Variants in SCRN3 observed in about 807,000 individuals in gnomAD.
The protein encoded by SCRN3 is secernin-3.
SCRN3 carries 39 observed loss-of-function variants against 43.1 expected under a neutral mutation model. The observed-to-expected ratio is 0.91, with a 90% confidence interval of 0.70 to 1.18. The LOEUF is 1.18. Among genes scored for constraint, SCRN3 ranks in the 50% most tolerant of loss-of-function variants. SCRN3 has a pLI of 0.00. For synonymous variants in SCRN3, 147 were observed against 163.1 expected (o/e 0.90, Z 0.75); for missense variants, 484 against 498.0 (o/e 0.97, Z 0.27).
At position 174,401,038 on chromosome 2, in the gene SCRN3, T is replaced by C; in HGVS notation, c.390T>C (p.Ile130=). Residue 130 remains isoleucine (I), a synonymous_variant, in exon 4 of 8, where the codon ATT becomes ATC. Transcript: ENST00000272732. The stretch of plus-strand genomic sequence containing the variant: ...CAGCTGAAAAAGCCCTCAATGTCAT[T>C]GTTGACTTACTAGAAAAATATGGCC... ...ADTAEKALNV[I]VDLLEKYGQG... The C allele has an allele frequency of 6.2e-7, 1 of 1,613,796 alleles. No homozygotes were observed. The highest frequency in any genetic ancestry group is 8.5e-7 in the Non-Finnish European group (1 of 1,179,844).
chr2:174,415,962 A>C (rs1686091005), intron 5 of SCRN3, among the ~76,000 whole-genome samples: 1 of 152,142 alleles, frequency 6.6e-6, no homozygotes, highest in South Asian at 2.1e-4. Context: ...GGTTCTATAA[A>C]GCGGTCAGAA....
intron 5 of SCRN3, among the ~76,000 whole-genome samples, chr2:174,411,067 C>T (rs1391581143): frequency 2.0e-5 from 3 of 152,136 alleles, no homozygotes; most frequent in Admixed American, 6.5e-5. Flanking sequence ...AATGCTACTC[C>T]ACTCCCTACC....
intron 5 of SCRN3, among the ~76,000 whole-genome samples, chr2:174,421,005 G>A (rs1360526911): frequency 6.6e-6 from 1 of 152,054 alleles, no homozygotes; most frequent in Non-Finnish European, 1.5e-5. Context: ...ATAAGAGGAA[G>A]CCACACCTAG....
chr2:174,425,085 T>C (rs991622823), intron 7 of SCRN3, among the ~76,000 whole-genome samples: 2 of 152,172 alleles, frequency 1.3e-5, no homozygotes, highest in Non-Finnish European at 2.9e-5. Flanking sequence ...CTTAACGTAA[T>C]GTTCTTGATG....
chr2:174,404,004 T>A, intron 4 of SCRN3, 99 bp from the exon 5 acceptor site: 1 of 872,040 alleles, frequency 1.1e-6, no homozygotes, highest in Non-Finnish European at 1.8e-6. Context: ...AAGTCTATAT[T>A]TATGTTTACA....
At chr2:174,423,888 G>A (rs1036465067) in intron 6 of SCRN3, among the ~76,000 whole-genome samples, 1 of 149,342 alleles carries the variant, frequency 6.7e-6, no homozygotes. Flanking sequence ...TCCTGGGCTC[G>A]AGTGATCCTC....
chr2:174,402,459 A>G (rs1392905826), intron 4 of SCRN3, among the ~76,000 whole-genome samples: 1 of 152,220 alleles, frequency 6.6e-6, no homozygotes, highest in African/African-American at 2.4e-5. Context: ...AGGCTGAGGC[A>G]GGAGGATCAC....
intron 5 of SCRN3, among the ~76,000 whole-genome samples, chr2:174,416,453 G>A (rs2105607587): frequency 6.6e-6 from 1 of 152,304 alleles, no homozygotes; most frequent in South Asian, 2.1e-4. Context: ...AGGGTAAAGA[G>A]TGTAGTTTTC....
In SCRN3 at chr2:174,429,514, TAC is replaced by T. The variant is rs935856558; in HGVS notation, c.*1621_*1622del. Reference sequence around the variant, plus strand: ...GTTCACAGCAAAATTGAACAGAAAGTACAGAGTTCCAATACAGCCCCTATCAG... The same window carrying T: ...GTTCACAGCAAAATTGAACAGAAAGTAGAGTTCCAATACAGCCCCTATCAG... On this transcript the variant is annotated 3_prime_UTR_variant, in exon 8 of 8. Transcript: ENST00000272732. 1.3e-5 allele frequency: 2 copies of T among 152,142 alleles called. No homozygotes were observed. Among genetic ancestry groups the T allele is most frequent in the African/African-American group, 2.4e-5 (1 of 41,430 alleles). The allele number at this position is 152,142 out of a possible 1,614,324, so 9.4% of individuals were successfully genotyped here.
chr2:174,425,295 T>C (rs996638856), intron 7 of SCRN3, among the ~76,000 whole-genome samples: 2 of 152,218 alleles, frequency 1.3e-5, no homozygotes, highest in African/African-American at 4.8e-5. Context: ...TAGGTCATTT[T>C]ATAATGTCTA....
At chr2:174,419,182 T>G (rs1248474616) in intron 5 of SCRN3, among the ~76,000 whole-genome samples, 1 of 152,226 alleles carries the variant, frequency 6.6e-6, no homozygotes, top group African/African-American at 2.4e-5. Flanking sequence ...TTTCATGCTC[T>G]CTTTGTTTTT....
chr2:174,406,849 G>C (rs1448931730), intron 5 of SCRN3, among the ~76,000 whole-genome samples: 22 of 134,264 alleles, frequency 1.6e-4, no homozygotes, highest in African/African-American at 5.7e-4. Flanking sequence ...TGTGCTGCTG[G>C]ATTTGGTTTG....
In SCRN3 at chr2:174,416,484, C is replaced by T. The variant is rs886769222; in HGVS notation, c.755-6401C>T. Among the ~76,000 whole-genome samples the T allele has an allele frequency of 2.0e-5, 3 of 152,292 alleles. No individual in the cohort carries two copies. In the East Asian group the frequency reaches 5.8e-4, roughly 29 times the overall value. On this transcript the variant is annotated intron_variant, in intron 5 of 7. Coordinates refer to ENST00000272732, the MANE Select transcript of SCRN3 (RefSeq NM_024583.5). ...TTTTCCATTTTAGAAGAATCAACTA[C>T]TCTGAGATAATAACCTAACCATCCC...
At chr2:174,419,079 A>C (rs555461476) in intron 5 of SCRN3, among the ~76,000 whole-genome samples, 2 of 152,330 alleles carry the variant, frequency 1.3e-5, no homozygotes, top group African/African-American at 4.8e-5. Flanking sequence ...TTTTAATTTG[A>C]AATATTGTGA....
intron 5 of SCRN3, among the ~76,000 whole-genome samples, chr2:174,416,988 CAT>C (rs1165054673): frequency 6.6e-6 from 1 of 152,006 alleles, no homozygotes; most frequent in African/African-American, 2.4e-5. Context: ...TCCAAAAGAA[CAT>C]GTTATAATTT....
intron 1 of SCRN3, 88 bp downstream of exon 1, chr2:174,395,905 G>A (rs1268763196): frequency 4.9e-6 from 7 of 1,426,732 alleles, no homozygotes; most frequent in Non-Finnish European, 9.2e-7. Flanking sequence ...TTGACCGAGG[G>A]GCTCCGGAGC....
chr2:174,401,144 A>G lies in SCRN3; in HGVS notation c.496A>G (p.Ile166Val). The G allele has an allele frequency of 6.2e-7, 1 of 1,613,980 alleles. No homozygotes were observed. The stretch of plus-strand genomic sequence containing the variant: ...GATAGCTGATAGGAATGAAGCCTGG[A>G]TTCTGGAGACTGCAGGGAAGTACTG... ...FLIADRNEAW[I>V]LETAGKYWAA... Residue 166 changes from isoleucine to valine, a missense_variant, in exon 4 of 8, where the codon ATT becomes GTT. Coordinates refer to ENST00000272732, the MANE Select transcript of SCRN3 (RefSeq NM_024583.5).
In SCRN3 at chr2:174,414,540, C is replaced by T. The variant is rs573530574; in HGVS notation, c.755-8345C>T. On this transcript the variant is annotated intron_variant, in intron 5 of 7. Coordinates refer to ENST00000272732, the MANE Select transcript of SCRN3 (RefSeq NM_024583.5). ...GTAGATCATTCTGTTTCAATATATA[C>T]AGAACATTCTCATTTTTTAAAACAG... Among the ~76,000 whole-genome samples the T allele has an allele frequency of 5.3e-5, 8 of 152,124 alleles. No homozygotes were observed. In the East Asian group the frequency reaches 1.5e-3, roughly 29 times the overall value.
intron 5 of SCRN3, among the ~76,000 whole-genome samples, chr2:174,418,396 A>G (rs889068754): frequency 9.8e-5 from 15 of 152,308 alleles, no homozygotes; most frequent in Middle Eastern, 3.4e-3. Context: ...TCCCTACCTG[A>G]TAGCTGTTAA....
Sources: allele counts gnomAD v4.1 joint callset (sites outside exome capture counted in the v4.1 genomes callset), GRCh38; gene constraint gnomAD v4.1.1; transcripts MANE v1.5; gene names NCBI Gene and HGNC (gene_info 2026-07-23, HGNC 2026-07-21).